The following CSMD3 variants were observed in gnomAD, a reference collection of about 807,000 sequenced individuals.
CSMD3 encodes CUB and sushi domain-containing protein 3.
In CSMD3, 177 loss-of-function variants were observed where a neutral mutation model predicts 435.2. That is an observed-to-expected ratio of 0.41 (90% CI 0.36 to 0.46). The LOEUF is 0.46. Ranked by LOEUF, CSMD3 falls within the 20% of genes least tolerant of loss-of-function variation. The probability of loss-of-function intolerance (pLI) is 0.34; values close to 1 mark genes in which losing one functional copy is unlikely to be tolerated. For missense variants in CSMD3, 4,265 were observed against 4,504.6 expected (o/e 0.95, Z 1.52); for synonymous variants, 1,656 against 1,520.5 (o/e 1.09, Z -2.07).
rs903712839 is a variant in CSMD3, at chr8:113,338,649, A to T, written c.179-23856T>A. Among the ~76,000 whole-genome samples the T allele has an allele frequency of 4.6e-5, 7 of 152,072 alleles. 1 individual carries two copies. Among genetic ancestry groups the T allele is most frequent in the Non-Finnish European group, 1.5e-5 (1 of 67,908 alleles). ...AATAAGATATATAGTGAATGGTTCC[A>T]TTCATATGAAATGTCCAGAATAGGC... is the stretch of plus-strand genomic sequence containing the variant. On this transcript the variant is annotated intron_variant, in intron 1 of 70. Transcript: ENST00000297405.
intron 38 of CSMD3, among the ~76,000 whole-genome samples, chr8:112,369,820 G>A (rs2131169009): frequency 6.6e-6 from 1 of 151,882 alleles, no homozygotes; most frequent in East Asian, 1.9e-4. Flanking sequence ...CATAGCACAT[G>A]TATACCTATG....
intron 3 of CSMD3, among the ~76,000 whole-genome samples, chr8:113,225,525 A>G (rs1033876715): frequency 6.6e-6 from 1 of 151,474 alleles, no homozygotes; most frequent in Non-Finnish European, 1.5e-5. Context: ...CAAATACCAC[A>G]TGTTCTTACT....
intron 16 of CSMD3, among the ~76,000 whole-genome samples, chr8:112,675,711 A>G (rs1285505835): frequency 6.6e-6 from 1 of 152,138 alleles, no homozygotes; most frequent in Non-Finnish European, 1.5e-5. Flanking sequence ...ATGACAAGGT[A>G]CTGCTTAGGG....
chr8:112,650,874 T>C (rs890594013), intron 18 of CSMD3, among the ~76,000 whole-genome samples: 1 of 152,346 alleles, frequency 6.6e-6, no homozygotes, highest in African/African-American at 2.4e-5. Context: ...TCTCCTGATA[T>C]CTTCCTTGCA....
intron 10 of CSMD3, among the ~76,000 whole-genome samples, chr8:112,901,229 T>G (rs913316394): frequency 2.0e-5 from 3 of 151,286 alleles, no homozygotes; most frequent in Non-Finnish European, 4.4e-5. Context: ...AACATGACAA[T>G]TGCAGGACCA....
rs138657590 is a variant in CSMD3 at position 112,692,234 on chromosome 8, A to G, written c.1973-2184T>C. On this transcript the variant is annotated intron_variant, in intron 13 of 70. Coordinates refer to ENST00000297405, the MANE Select transcript of CSMD3 (RefSeq NM_198123.2). ...TGAGTTGAAATCTTAGAACTTTTTT[A>G]GTATATTTTCAGCCTTTCTTATTTA... 7.9e-3 allele frequency among the ~76,000 whole-genome samples: 1,193 copies of G among 151,682 alleles called. 18 individuals carry two copies. The highest frequency in any genetic ancestry group is 0.026 in the African/African-American group (1,092 of 41,396).
intron 9 of CSMD3, among the ~76,000 whole-genome samples, chr8:112,933,458 T>C (rs1236947598): frequency 6.6e-6 from 1 of 152,144 alleles, no homozygotes; most frequent in Non-Finnish European, 1.5e-5. Context: ...TGGTCTTATA[T>C]TTGCTGTCTT....
At chr8:113,130,338 G>T (rs1439721842) in intron 4 of CSMD3, among the ~76,000 whole-genome samples, 2 of 152,128 alleles carry the variant, frequency 1.3e-5, no homozygotes, top group Admixed American at 6.6e-5. Flanking sequence ...GGTGGGAGGT[G>T]ATTGGATCAT....
intron 1 of CSMD3, among the ~76,000 whole-genome samples, chr8:113,378,936 G>A (rs2094402601): frequency 6.6e-6 from 1 of 152,162 alleles, no homozygotes; most frequent in South Asian, 2.1e-4. Flanking sequence ...AAAGCACAAT[G>A]TTACAAAATG....
rs1471805074 is a variant in CSMD3, at chr8:113,156,759, A to ATT, written c.709+16962_709+16963insAA. 2.0e-5 allele frequency among the ~76,000 whole-genome samples: 3 copies of ATT among 150,112 alleles called. No individual in the cohort carries two copies. The East Asian group carries it at 5.9e-4, about 29-fold the overall frequency. Reference sequence around the variant, plus strand: ...AAATAAATAAATAAATAAATAAATAAATAAATAAATAAATAAATAAAGTTA... The same window carrying ATT: ...AAATAAATAAATAAATAAATAAATAATTATAAATAAATAAATAAATAAAGTTA... On this transcript the variant is annotated intron_variant, in intron 4 of 70. Coordinates refer to ENST00000297405, the MANE Select transcript of CSMD3 (RefSeq NM_198123.2).
chr8:112,280,199 T>C (rs1477340634), intron 59 of CSMD3, among the ~76,000 whole-genome samples: 2 of 152,104 alleles, frequency 1.3e-5, no homozygotes, highest in East Asian at 3.9e-4. Context: ...CCCACTAGTA[T>C]CCCCAAGTCT....
rs1315835531 is a variant in CSMD3, at chr8:112,536,424, C to T, written c.4564+14247G>A. On this transcript the variant is annotated intron_variant, in intron 27 of 70. Transcript: ENST00000297405. Reference sequence around the variant, plus strand: ...CAGCCAAAAACCACATGAAAAAATGCTCACCATCACTGGCCATCAGAGAAA... The same window carrying T: ...CAGCCAAAAACCACATGAAAAAATGTTCACCATCACTGGCCATCAGAGAAA... 7.9e-5 allele frequency among the ~76,000 whole-genome samples: 12 copies of T among 152,196 alleles called. No homozygotes were observed. In the South Asian group the frequency reaches 1.0e-3, roughly 13 times the overall value.
chr8:112,606,971 T>TG (rs1491113479), intron 22 of CSMD3, among the ~76,000 whole-genome samples: 1 of 12,160 alleles, frequency 8.2e-5, no homozygotes, highest in Admixed American at 1.3e-3. Context: ...CCTCAAGCTA[T>TG]GAAAAAAAAA....
At chr8:113,057,045 C>T (rs1211125599) in intron 5 of CSMD3, among the ~76,000 whole-genome samples, 1 of 152,126 alleles carries the variant, frequency 6.6e-6, no homozygotes, top group Non-Finnish European at 1.5e-5. Context: ...ATGCTGTTTG[C>T]TAAGCTTGGA....
chr8:113,317,037 T>C (rs1442627546), intron 1 of CSMD3, among the ~76,000 whole-genome samples: 1 of 152,116 alleles, frequency 6.6e-6, no homozygotes, highest in African/African-American at 2.4e-5. Context: ...CTATAAAGCA[T>C]AGTTCTTGTT....
intron 28 of CSMD3, 38 bp from the exon 29 acceptor site, chr8:112,506,867 T>C (rs1036335189): frequency 6.5e-7 from 1 of 1,545,406 alleles, no homozygotes; most frequent in Non-Finnish European, 8.9e-7. Context: ...TCTTTAAACA[T>C]TAATACAATT....
chr8:112,493,107 G>C (rs900479226), intron 30 of CSMD3, among the ~76,000 whole-genome samples: 1 of 151,914 alleles, frequency 6.6e-6, no homozygotes, highest in African/African-American at 2.4e-5. Context: ...TGTCTTTTTG[G>C]GGGGGCTCAA....
At chr8:112,972,248 A>G (rs2032563002) in intron 7 of CSMD3, among the ~76,000 whole-genome samples, 1 of 151,960 alleles carries the variant, frequency 6.6e-6, no homozygotes, top group Non-Finnish European at 1.5e-5. Flanking sequence ...TGAATAAAAA[A>G]ATTAAAAATA....
At chr8:112,997,630 T>A (rs553997711) in intron 6 of CSMD3, among the ~76,000 whole-genome samples, 2 of 151,750 alleles carry the variant, frequency 1.3e-5, no homozygotes, top group African/African-American at 4.8e-5. Context: ...TTTGTATCAG[T>A]TGACATTTTC....
Sources: gnomAD v4.1 joint callset for allele counts (sites outside exome capture counted in the v4.1 genomes callset) on GRCh38, gnomAD v4.1.1 for gene constraint, MANE v1.5 for transcripts, NCBI Gene and HGNC (gene_info 2026-07-23, HGNC 2026-07-21) for gene names.